The following SLC16A7 variants were observed in gnomAD, a reference collection of about 807,000 sequenced individuals.
The protein encoded by SLC16A7 is solute carrier family 16 member 7.
In SLC16A7, 33 loss-of-function variants were observed where a neutral mutation model predicts 34.9. The ratio of observed to expected loss-of-function variants is 0.94; its 90% CI spans 0.72 to 1.26. The LOEUF is 1.26. Ranked by LOEUF, SLC16A7 falls within the 50% of genes most tolerant of loss-of-function variation. The pLI is 0.00. For missense variants in SLC16A7, 573 were observed against 578.1 expected (o/e 0.99, Z 0.09); for synonymous variants, 201 against 206.6 (o/e 0.97, Z 0.23).
At chr12:59,695,252 G>A (rs1872147755) in intron 2 of SLC16A7, among the ~76,000 whole-genome samples, 2 of 151,838 alleles carry the variant, frequency 1.3e-5, no homozygotes, top group African/African-American at 2.4e-5. Flanking sequence ...CCTGCCAGAG[G>A]AAATAGATAG....
At chr12:59,716,474 C>T (rs895016950) in intron 3 of SLC16A7, among the ~76,000 whole-genome samples, 13 of 152,072 alleles carry the variant, frequency 8.5e-5, no homozygotes, top group South Asian at 4.1e-4. Context: ...TGTGTGCAGG[C>T]GATTTGGAAT....
chr12:59,658,544 A>G (rs1045431132), intron 2 of SLC16A7, among the ~76,000 whole-genome samples: 3 of 152,034 alleles, frequency 2.0e-5, no homozygotes, highest in African/African-American at 4.8e-5. Flanking sequence ...GTTTCAAGTG[A>G]ATTATGTACC....
chr12:59,654,799 G>A lies in SLC16A7; in HGVS notation c.-129-353G>A, dbSNP rs1020670705. 2.6e-5 allele frequency among the ~76,000 whole-genome samples: 4 copies of A among 151,746 alleles called. 1 individual carries two copies. The highest frequency in any genetic ancestry group is 2.0e-4 in the Admixed American group (3 of 15,194). ...GCTATTGGTTTGAAATCCCAAAGAT[G>A]GTGGACTGAAATGAGTCTCTCTGAT... On this transcript the variant is annotated intron_variant, in intron 1 of 5. Transcript: ENST00000547379.
rs1421001351 is a variant in SLC16A7 at position 59,785,238 on chromosome 12, T to A, written c.*5559T>A. ...CTTTTTTATAGTTCTGATTTTCTCT[T>A]CTTTCCTATCAGTTGTTTGTACACT... On this transcript the variant is annotated 3_prime_UTR_variant, in exon 6 of 6. Coordinates refer to ENST00000547379, the MANE Select transcript of SLC16A7 (RefSeq NM_001270623.2). 1 of 152,206 alleles carries A rather than the reference T, an allele frequency of 6.6e-6. No individual in the cohort carries two copies. The highest frequency in any genetic ancestry group is 1.9e-4 in the East Asian group (1 of 5,200). The allele number at this position is 152,206 out of a possible 1,614,324, so 9.4% of individuals were successfully genotyped here.
At chr12:59,744,670 G>A (rs1047692618) in intron 3 of SLC16A7, among the ~76,000 whole-genome samples, 1 of 152,176 alleles carries the variant, frequency 6.6e-6, no homozygotes, top group African/African-American at 2.4e-5. Flanking sequence ...GGCCCACTGA[G>A]CTATAAATAC....
rs943219296 is a variant in SLC16A7 at position 59,771,206 on chromosome 12, C to T, written c.218-13C>T. Reference sequence around the variant, plus strand: ...GAGCAACTGAGTATTTCTTTATCTCCTCTCTGCTGTAGGTCCTGTAAGTAG... The same window carrying T: ...GAGCAACTGAGTATTTCTTTATCTCTTCTCTGCTGTAGGTCCTGTAAGTAG... On this transcript the variant is annotated splice_polypyrimidine_tract_variant and intron_variant, in intron 3 of 5. Coordinates refer to ENST00000547379, the MANE Select transcript of SLC16A7 (RefSeq NM_001270623.2). The T allele has an allele frequency of 6.2e-7, 1 of 1,603,276 alleles. No homozygotes were observed. Among genetic ancestry groups the T allele is most frequent in the Non-Finnish European group, 8.5e-7 (1 of 1,175,758 alleles).
At position 59,718,389 on chromosome 12, in the gene SLC16A7, A is replaced by G. The variant is rs571990134; in HGVS notation, c.217+13371A>G. Among the ~76,000 whole-genome samples the G allele has an allele frequency of 9.9e-5, 15 of 152,224 alleles. 1 individual carries two copies. The East Asian group carries it at 2.9e-3, about 29-fold the overall frequency. ...ACAATTTTTTGCCTTTTTTGTTTCT[A>G]AGAGGCATTGACATAGTGGAATAGT... On this transcript the variant is annotated intron_variant, in intron 3 of 5. Transcript: ENST00000547379.
chr12:59,768,449 G>A (rs1881898422), intron 3 of SLC16A7: 1 of 243,314 alleles, frequency 4.1e-6, no homozygotes, highest in East Asian at 1.0e-4. Context: ...TTATGGATGA[G>A]CCAAGAAAGT....
At chr12:59,698,967 A>G (rs898073546) in intron 2 of SLC16A7, among the ~76,000 whole-genome samples, 1 of 151,720 alleles carries the variant, frequency 6.6e-6, no homozygotes, top group African/African-American at 2.4e-5. Context: ...AATTGTTGTC[A>G]TTTTCAATTG....
intron 1 of SLC16A7, among the ~76,000 whole-genome samples, chr12:59,630,212 A>G (rs1373545089): frequency 2.0e-5 from 3 of 151,886 alleles, no homozygotes; most frequent in Non-Finnish European, 2.9e-5. Context: ...TGGGAAGTTT[A>G]TAGTCTCATC....
At chr12:59,670,280 C>A (rs1010441431) in intron 2 of SLC16A7, among the ~76,000 whole-genome samples, 1 of 152,094 alleles carries the variant, frequency 6.6e-6, no homozygotes, top group Non-Finnish European at 1.5e-5. Flanking sequence ...CCATTGTGAC[C>A]TCATCTTAAC....
At chr12:59,736,024 A>G (rs1877549710) in intron 3 of SLC16A7, 1 of 585,622 alleles carries the variant, frequency 1.7e-6, no homozygotes, top group Non-Finnish European at 2.7e-6. Flanking sequence ...ATTTTAATGT[A>G]TGGTTTTAAT....
rs550672882 is a variant in SLC16A7 at position 59,615,700 on chromosome 12, T to G, written c.-130+19464T>G. On this transcript the variant is annotated intron_variant, in intron 1 of 5. Coordinates refer to ENST00000547379, the MANE Select transcript of SLC16A7 (RefSeq NM_001270623.2). ...TACTCTTGGAGTATTTGGATATTGTTGCCATTGCCTCAGAAATCTGTTATT... is the reference window on the plus strand; with the variant it reads ...TACTCTTGGAGTATTTGGATATTGTGGCCATTGCCTCAGAAATCTGTTATT... Among the ~76,000 whole-genome samples, 16 of 152,364 alleles carry G rather than the reference T, an allele frequency of 1.1e-4. No individual in the cohort carries two copies. The South Asian group carries it at 3.1e-3, about 30-fold the overall frequency.
At chr12:59,598,633 T>C (rs1878539346) in intron 1 of SLC16A7, among the ~76,000 whole-genome samples, 2 of 152,224 alleles carry the variant, frequency 1.3e-5, no homozygotes, top group Admixed American at 6.5e-5. Flanking sequence ...TCAGCCCATT[T>C]TTTGTCCATT....
At chr12:59,744,552 G>A (rs756834505) in intron 3 of SLC16A7, among the ~76,000 whole-genome samples, 12 of 152,100 alleles carry the variant, frequency 7.9e-5, no homozygotes, top group Admixed American at 2.6e-4. Context: ...GATTTTTCCT[G>A]GATGCTAAAC....
At chr12:59,600,220 T>C (rs1878619623) in intron 1 of SLC16A7, among the ~76,000 whole-genome samples, 1 of 152,272 alleles carries the variant, frequency 6.6e-6, no homozygotes, top group Admixed American at 6.5e-5. Context: ...TATTTGGCTT[T>C]ATGTTTTTTA....
In SLC16A7 at chr12:59,785,299, G is replaced by T. The variant is rs1476741824; in HGVS notation, c.*5620G>T. The T allele has an allele frequency of 6.6e-6, 1 of 152,168 alleles. No homozygotes were observed. The highest frequency in any genetic ancestry group is 1.9e-4 in the East Asian group (1 of 5,178). The allele number at this position is 152,168 out of a possible 1,614,324, so 9.4% of individuals were successfully genotyped here. On this transcript the variant is annotated 3_prime_UTR_variant, in exon 6 of 6. Transcript: ENST00000547379. ...GCTCTTTACAGGGTGCTACAATCTG[G>T]TTTATTTTAGTCTTCTCTCCTCTAC... is the stretch of plus-strand genomic sequence containing the variant.
chr12:59,645,854 T>TGGA (rs1487385349), intron 1 of SLC16A7, among the ~76,000 whole-genome samples: 9 of 152,072 alleles, frequency 5.9e-5, no homozygotes, highest in Non-Finnish European at 1.2e-4. Context: ...GACAATGAAG[T>TGGA]CCAGGCTTAG....
At chr12:59,732,519 T>C (rs1877076510) in intron 3 of SLC16A7, among the ~76,000 whole-genome samples, 1 of 152,238 alleles carries the variant, frequency 6.6e-6, no homozygotes, top group Non-Finnish European at 1.5e-5. Flanking sequence ...AGTAGGTATA[T>C]GAGAGGGTGC....
Sources: allele counts gnomAD v4.1 joint callset (sites outside exome capture counted in the v4.1 genomes callset), GRCh38; gene constraint gnomAD v4.1.1; transcripts MANE v1.5; gene names NCBI Gene and HGNC (gene_info 2026-07-23, HGNC 2026-07-21).